The following SCN9A variants were observed in gnomAD, a reference collection of about 807,000 sequenced individuals.
SCN9A encodes the protein sodium voltage-gated channel alpha subunit 9, also known as sodium channel protein type 9 subunit alpha.
A neutral mutation model predicts 187.0 loss-of-function variants in SCN9A; 131 were observed. The observed-to-expected ratio is 0.70, with a 90% CI of 0.61 to 0.81. SCN9A has a LOEUF of 0.81. Ranked by LOEUF, SCN9A falls within the 30% of genes least tolerant of loss-of-function variation. SCN9A has a pLI of 0.00. For synonymous variants in SCN9A, 809 were observed against 808.6 expected (o/e 1.00, Z -0.01); for missense variants, 2,252 against 2,396.6 (o/e 0.94, Z 1.26).
chr2:166,347,920 G>C (rs1699941338), intron 1 of SCN9A, among the ~76,000 whole-genome samples: 1 of 152,082 alleles, frequency 6.6e-6, no homozygotes, highest in South Asian at 2.1e-4. Flanking sequence ...AAACACATAG[G>C]ATCGGAGTGC....
intron 1 of SCN9A, among the ~76,000 whole-genome samples, chr2:166,316,669 G>A (rs1467260812): frequency 6.6e-6 from 1 of 152,194 alleles, no homozygotes; most frequent in East Asian, 1.9e-4. Flanking sequence ...ACTCCAGCCT[G>A]GGCAATAGAG....
intron 1 of SCN9A, among the ~76,000 whole-genome samples, chr2:166,351,652 C>CAAGAGAATACAGT (rs1350696588): frequency 6.6e-6 from 1 of 152,066 alleles, no homozygotes; most frequent in Non-Finnish European, 1.5e-5. Context: ...TTGCTATGGA[C>CAAGAGAATACAGT]AAGAGAATAC....
chr2:166,351,374 T>C (rs1461818581), intron 1 of SCN9A, among the ~76,000 whole-genome samples: 1 of 152,186 alleles, frequency 6.6e-6, no homozygotes, highest in East Asian at 1.9e-4. Flanking sequence ...AGGGATGATA[T>C]GTGTCAAAGG....
intron 9 of SCN9A, among the ~76,000 whole-genome samples, chr2:166,290,004 C>A (rs1697969258): frequency 6.6e-6 from 1 of 152,052 alleles, no homozygotes; most frequent in South Asian, 2.1e-4. Flanking sequence ...ACCTATCAAC[C>A]CATTATCTAG....
At chr2:166,300,785 A>C (rs1354334444) in intron 7 of SCN9A, 2 of 151,170 alleles carry the variant, frequency 1.3e-5, no homozygotes, top group African/African-American at 2.5e-5. Flanking sequence ...AATAATGTAC[A>C]GATTTGGAAG....
intron 17 of SCN9A, among the ~76,000 whole-genome samples, chr2:166,269,014 A>G (rs891582709): frequency 2.0e-5 from 3 of 151,910 alleles, no homozygotes; most frequent in Admixed American, 6.6e-5. Context: ...TGTTACTACA[A>G]CCTCTAAGGT....
chr2:166,288,709 A>G, intron 9 of SCN9A, 66 bp from the exon 10 acceptor site: 1 of 1,249,448 alleles, frequency 8.0e-7, no homozygotes, highest in Non-Finnish European at 1.1e-6. Context: ...TTTCAATTTG[A>G]CAGGCATGAG....
At chr2:166,374,625 T>G (rs1343396497) in intron 1 of SCN9A, among the ~76,000 whole-genome samples, 2 of 152,030 alleles carry the variant, frequency 1.3e-5, no homozygotes, top group Non-Finnish European at 2.9e-5. Flanking sequence ...ATATTGATGT[T>G]AAAGCAAAAA....
chr2:166,351,456 C>T (rs1160929937), intron 1 of SCN9A, among the ~76,000 whole-genome samples: 1 of 152,188 alleles, frequency 6.6e-6, no homozygotes, highest in African/African-American at 2.4e-5. Context: ...ATCTTCATGG[C>T]TCTCTTGCCA....
At chr2:166,232,118 A>G (rs951566829) in intron 21 of SCN9A, among the ~76,000 whole-genome samples, 5 of 152,142 alleles carry the variant, frequency 3.3e-5, no homozygotes, top group African/African-American at 1.2e-4. Flanking sequence ...AGAGGCATAA[A>G]ATAGCAGGTA....
chr2:166,340,541 CCTTTCTTT>C (rs201511761), intron 1 of SCN9A, among the ~76,000 whole-genome samples: 3,597 of 67,504 alleles, frequency 0.053, 111 homozygotes, highest in East Asian at 0.11. Flanking sequence ...CTTTTCTTTC[CCTTTCTTT>C]CTTTCTTTCT....
intron 24 of SCN9A, among the ~76,000 whole-genome samples, chr2:166,210,250 G>A (rs771905450): frequency 6.6e-5 from 10 of 151,900 alleles, no homozygotes; most frequent in Non-Finnish European, 1.0e-4. Context: ...GGTGGGAATT[G>A]AACAATGAGA....
intron 20 of SCN9A, 52 bp downstream of exon 20, chr2:166,238,042 C>T: frequency 7.3e-7 from 1 of 1,378,860 alleles, no homozygotes; most frequent in Non-Finnish European, 1.0e-6. Flanking sequence ...GGTTTTTTCA[C>T]AACACACAGT....
In SCN9A at chr2:166,197,041, CATTTATTATATAAATGTA is replaced by C. The variant is rs1360714786; in HGVS notation, c.*1613_*1630del. ...AACAACAAAAAATATGTGCTTTAAA[CATTTATTATATAAATGTA>C]ATTTATTATTTTTTAAATATGGAAA... On this transcript the variant is annotated 3_prime_UTR_variant, in exon 27 of 27. Transcript: ENST00000642356. The C allele has an allele frequency of 1.3e-5, 2 of 151,742 alleles. No individual in the cohort carries two copies. The highest frequency in any genetic ancestry group is 2.4e-5 in the African/African-American group (1 of 41,382). 9.4% of individuals were successfully genotyped at this position (151,742 alleles called of 1,614,324 possible). A position where few individuals can be genotyped will look rare whatever the true frequency, so the allele number is the denominator to read the frequency against.
chr2:166,204,346 A>G lies in SCN9A; in HGVS notation c.4503+14T>C, dbSNP rs1042977592. 1.3e-6 allele frequency: 2 copies of G among 1,587,536 alleles called. No individual in the cohort carries two copies. The highest frequency in any genetic ancestry group is 1.7e-6 in the Non-Finnish European group (2 of 1,159,186). On this transcript the variant is annotated intron_variant, in intron 25 of 26. Coordinates refer to ENST00000642356, the MANE Select transcript of SCN9A (RefSeq NM_001365536.1). ...TTGAAAATCTATATGCTAAAGATAT[A>G]TATATTTTTTTACCCCTGGTCGAGG...
In SCN9A at chr2:166,228,736, C is replaced by T; in HGVS notation, c.4161G>A (p.Val1387=). The T allele has an allele frequency of 6.2e-7, 1 of 1,613,640 alleles. No homozygotes were observed. Among genetic ancestry groups the T allele is most frequent in the Non-Finnish European group, 8.5e-7 (1 of 1,179,604 alleles). The change falls in exon 22 of 27, where the codon GTG becomes GTA. Residue 1387 remains valine (V), a synonymous_variant. Coordinates refer to ENST00000642356, the MANE Select transcript of SCN9A (RefSeq NM_001365536.1). ...AACCAAGTCCGACATTATCAAAGTTCACTTTCAGGTTTTTCCATCGCACAT... is the reference window on the plus strand; with the variant it reads ...AACCAAGTCCGACATTATCAAAGTTTACTTTCAGGTTTTTCCATCGCACAT... ...SQNVRWKNLK[V]NFDNVGLGYL... is the part of the protein sequence containing the mutation.
At position 166,272,629 on chromosome 2, in the gene SCN9A, G is replaced by C. The variant is rs200163274; in HGVS notation, c.3121C>G (p.His1041Asp). Residue 1041 changes from histidine to aspartate, a missense_variant, in exon 17 of 27, where the codon CAT (histidine) becomes GAT (aspartate). By Grantham distance (81) the His-to-Asp change is moderately conservative. This residue lies in a region of SCN9A where 313 missense variants were observed against 295.3 expected (regional missense o/e 1.06). Coordinates refer to ENST00000642356, the MANE Select transcript of SCN9A (RefSeq NM_001365536.1). Reference protein sequence around the residue: ...NTKKENYISNHTLAEMSKGHN... With the variant: ...NTKKENYISNDTLAEMSKGHN... Reference sequence around the variant, plus strand: ...CCTTTGCTCATTTCAGCAAGTGTATGGTTAGAAATATAGTTTTCCTTCTTA... The same window carrying C: ...CCTTTGCTCATTTCAGCAAGTGTATCGTTAGAAATATAGTTTTCCTTCTTA... 11 of 1,613,006 alleles carry C rather than the reference G, an allele frequency of 6.8e-6. No homozygotes were observed. Among genetic ancestry groups the C allele is most frequent in the Middle Eastern group, 1.7e-4 (1 of 6,058 alleles).
At chr2:166,341,532 G>C (rs1699785600) in intron 1 of SCN9A, among the ~76,000 whole-genome samples, 1 of 152,144 alleles carries the variant, frequency 6.6e-6, no homozygotes, top group African/African-American at 2.4e-5. Context: ...GTTTTAAAAG[G>C]CACTAGTTTA....
chr2:166,283,767 A>T (rs1256487257), intron 12 of SCN9A, among the ~76,000 whole-genome samples: 3 of 152,124 alleles, frequency 2.0e-5, no homozygotes, highest in Non-Finnish European at 4.4e-5. Context: ...GCCATTCTAA[A>T]TTTTTTCAAG....
Sources: gnomAD v4.1 joint callset for allele counts (sites outside exome capture counted in the v4.1 genomes callset) on GRCh38, gnomAD v4.1.1 for gene constraint, gnomAD v4.1.1 regional missense constraint, MANE v1.5 for transcripts, NCBI Gene and HGNC (gene_info 2026-07-23, HGNC 2026-07-21) for gene names.